The following SCN10A variants were observed in gnomAD, a reference collection of about 807,000 sequenced individuals.
SCN10A encodes sodium channel protein type 10 subunit alpha.
A neutral mutation model predicts 170.7 loss-of-function variants in SCN10A; 162 were observed. The ratio of observed to expected loss-of-function variants is 0.95; its 90% CI spans 0.84 to 1.08. SCN10A has a LOEUF of 1.08. SCN10A is among the 50% of genes least tolerant of loss of function. The probability of loss-of-function intolerance (pLI) is 0.00; values close to 1 mark genes in which losing one functional copy is unlikely to be tolerated. For missense variants in SCN10A, 2,527 were observed against 2,436.9 expected (o/e 1.04, Z -0.78); for synonymous variants, 985 against 904.6 (o/e 1.09, Z -1.59).
chr3:38,712,275 A>G lies in SCN10A; in HGVS notation c.3975T>C (p.Ile1325=). The change falls in exon 23 of 28, where the codon ATT becomes ATC. Residue 1325 remains isoleucine (I), a synonymous_variant. Transcript: ENST00000449082. The part of the protein sequence containing the change: ...DGEFSLVPLS[I]VNNKSDCKIQ... ...TCTTGCAGTCAGACTTGTTATTCAC[A>G]ATCGACAAAGGTACAAGGGAAAACT... The G allele has an allele frequency of 1.2e-6, 2 of 1,614,204 alleles. No individual in the cohort carries two copies. The highest frequency in any genetic ancestry group is 1.7e-6 in the Non-Finnish European group (2 of 1,180,016).
chr3:38,759,414 G>A (rs182421319), intron 8 of SCN10A, among the ~76,000 whole-genome samples: 10 of 152,154 alleles, frequency 6.6e-5, no homozygotes, highest in Admixed American at 2.0e-4. Context: ...CCAGCCTGGA[G>A]ACATCCTACC....
chr3:38,723,363 T>A, intron 19 of SCN10A, 67 bp downstream of exon 19: 7 of 1,576,274 alleles, frequency 4.4e-6, no homozygotes, highest in Non-Finnish European at 6.1e-6. Context: ...CCCAGGTGAG[T>A]GTTCGCTCAA....
intron 13 of SCN10A, among the ~76,000 whole-genome samples, chr3:38,743,443 C>T (rs1038786502): frequency 6.6e-6 from 1 of 152,216 alleles, no homozygotes; most frequent in Non-Finnish European, 1.5e-5. Flanking sequence ...GGACCCCATG[C>T]TCTCTTTCAT....
intron 1 of SCN10A, among the ~76,000 whole-genome samples, chr3:38,801,224 A>G (rs1409975990): frequency 3.9e-5 from 6 of 152,282 alleles, no homozygotes; most frequent in Middle Eastern, 3.4e-3. Flanking sequence ...GATCACAGAA[A>G]TGACTAAGCC....
chr3:38,769,869 G>T (rs1195565267), intron 5 of SCN10A, among the ~76,000 whole-genome samples: 1 of 152,140 alleles, frequency 6.6e-6, no homozygotes. Context: ...CAGGCTCTGG[G>T]GTAGTACTGG....
At position 38,723,525 on chromosome 3, in the gene SCN10A, C is replaced by T. The variant is rs1234564695; in HGVS notation, c.3257G>A (p.Gly1086Asp). The change falls in exon 19 of 28, where the codon GGC becomes GAC. Residue 1086 changes from glycine to aspartate, a missense_variant. Coordinates refer to ENST00000449082, the MANE Select transcript of SCN10A (RefSeq NM_006514.4). ...AGGATCTAGGCAGTCCACCGTGCTG[C>T]CCTCAGAGGAGCTTGTGTCGTCCAC... ...EGVDDTSSSEGSTVDCLDPEE... is the reference protein window; with the variant it reads ...EGVDDTSSSEDSTVDCLDPEE... 2.5e-6 allele frequency: 4 copies of T among 1,608,114 alleles called. No homozygotes were observed. The highest frequency in any genetic ancestry group is 3.4e-6 in the Non-Finnish European group (4 of 1,176,928).
At chr3:38,761,161 CCTT>C in intron 7 of SCN10A, 28 bp downstream of exon 7, 1 of 1,498,804 alleles carries the variant, frequency 6.7e-7, no homozygotes, top group Non-Finnish European at 9.2e-7. Flanking sequence ...TCCAACCAGA[CCTT>C]GGTCCCTATG....
chr3:38,789,081 G>T, intron 3 of SCN10A, 45 bp from the exon 4 acceptor site: 2 of 1,098,390 alleles, frequency 1.8e-6, no homozygotes, highest in African/African-American at 1.5e-5. Flanking sequence ...CCAAGTCTCT[G>T]TGATGTCATC....
At chr3:38,750,420 C>T (rs892842704) in intron 12 of SCN10A, among the ~76,000 whole-genome samples, 1 of 152,172 alleles carries the variant, frequency 6.6e-6, no homozygotes, top group Non-Finnish European at 1.5e-5. Context: ...ATAGTGTGGC[C>T]TATTGCTCCT....
At chr3:38,801,439 A>T (rs1355556240) in intron 1 of SCN10A, among the ~76,000 whole-genome samples, 2 of 152,202 alleles carry the variant, frequency 1.3e-5, no homozygotes, top group Non-Finnish European at 2.9e-5. Flanking sequence ...AAAGATGTTA[A>T]TTGGACTGAA....
At chr3:38,724,278 A>G (rs1440817128) in intron 18 of SCN10A, among the ~76,000 whole-genome samples, 1 of 152,212 alleles carries the variant, frequency 6.6e-6, no homozygotes, top group Non-Finnish European at 1.5e-5. Context: ...TTCAAGCTGA[A>G]GGGCTTGATA....
At position 38,709,602 on chromosome 3, in the gene SCN10A, G is replaced by T. The variant is rs753855829; in HGVS notation, c.4157C>A (p.Pro1386His). Residue 1386 changes from proline (P) to histidine (H), a missense_variant, in exon 25 of 28, where the codon CCC becomes CAC. Coordinates refer to ENST00000449082, the MANE Select transcript of SCN10A (RefSeq NM_006514.4). ...AVDSREVNMQ[P>H]KWEDNVYMYL... ...CATGTACACGTTGTCCTCCCACTTGGGTTGCATGTTGACCTGTGACCAGAC... is the reference window on the plus strand; with the variant it reads ...CATGTACACGTTGTCCTCCCACTTGTGTTGCATGTTGACCTGTGACCAGAC... 4.4e-6 allele frequency: 7 copies of T among 1,604,750 alleles called. No individual in the cohort carries two copies. The highest frequency in any genetic ancestry group is 2.7e-5 in the African/African-American group (2 of 74,536).
chr3:38,792,506 T>C (rs1037512950), intron 2 of SCN10A, among the ~76,000 whole-genome samples: 2 of 152,180 alleles, frequency 1.3e-5, no homozygotes, highest in Non-Finnish European at 2.9e-5. Context: ...GGTGAAGTTA[T>C]GGTTGCATTT....
Position 38,756,687 on chromosome 3 carries a change from C to G in SCN10A, c.1277G>C (p.Arg426Pro). ...KKFQEALEML[R>P]KEQEVLAALG... ...CTCCTCACAAACCTCCTGCTCCTTC[C>G]GGAGCATCTCGAGGGCCTCCTGGAA... Residue 426 changes from arginine (R) to proline (P), a missense_variant, in exon 10 of 28, where the codon CGG becomes CCG. Physicochemically the swap from Arg to Pro is moderately radical, Grantham distance 103. Coordinates refer to ENST00000449082, the MANE Select transcript of SCN10A (RefSeq NM_006514.4). The G allele has an allele frequency of 2.5e-6, 4 of 1,613,348 alleles. No homozygotes were observed. Among genetic ancestry groups the G allele is most frequent in the Non-Finnish European group, 3.4e-6 (4 of 1,179,578 alleles).
chr3:38,797,018 G>A (rs2064345034), intron 1 of SCN10A, among the ~76,000 whole-genome samples: 1 of 152,098 alleles, frequency 6.6e-6, no homozygotes, highest in South Asian at 2.1e-4. Context: ...AGAACATTTT[G>A]TTCAGAAAAA....
intron 27 of SCN10A, among the ~76,000 whole-genome samples, chr3:38,698,905 TC>T (rs1379491262): frequency 6.6e-6 from 1 of 152,124 alleles, no homozygotes; most frequent in Non-Finnish European, 1.5e-5. Flanking sequence ...AGGCTCACAG[TC>T]TTTGGCCTGT....
chr3:38,708,032 C>T (rs1477880660), intron 25 of SCN10A, among the ~76,000 whole-genome samples: 1 of 152,164 alleles, frequency 6.6e-6, no homozygotes, highest in Non-Finnish European at 1.5e-5. Context: ...TTTCTTCATT[C>T]AAACTCTCAC....
intron 21 of SCN10A, 68 bp downstream of exon 21, chr3:38,718,584 TG>T: frequency 6.5e-7 from 1 of 1,530,026 alleles, no homozygotes; most frequent in Non-Finnish European, 8.9e-7. Flanking sequence ...GAGCTTCCTT[TG>T]CCCTAGCTGT....
At chr3:38,747,767 T>C (rs2063706541) in intron 13 of SCN10A, among the ~76,000 whole-genome samples, 1 of 152,252 alleles carries the variant, frequency 6.6e-6, no homozygotes, top group Admixed American at 6.5e-5. Flanking sequence ...CAGAATGCAT[T>C]GTACTTGCTA....
Sources: gnomAD v4.1 joint callset for allele counts (sites outside exome capture counted in the v4.1 genomes callset) on GRCh38, gnomAD v4.1.1 for gene constraint, MANE v1.5 for transcripts, NCBI Gene and HGNC (gene_info 2026-07-23, HGNC 2026-07-21) for gene names.